The following FBXO25 variants were observed in gnomAD, a reference collection of about 807,000 sequenced individuals.
FBXO25 encodes F-box only protein 25.
Under a neutral mutation model 51.9 loss-of-function variants are expected in FBXO25, and 45 were observed. That is an observed-to-expected ratio of 0.87 (90% CI 0.68 to 1.11). FBXO25 has a LOEUF of 1.11. FBXO25 is among the 50% of genes most tolerant of loss of function. The pLI is 0.00. For synonymous variants in FBXO25, 199 were observed against 151.0 expected, an observed-to-expected ratio of 1.32 and a Z score of -2.33; for missense variants, 507 against 428.5, an observed-to-expected ratio of 1.18 and a Z score of -1.62.
intron 7 of FBXO25, among the ~76,000 whole-genome samples, chr8:451,912 G>C (rs556430488): frequency 1.3e-5 from 2 of 152,126 alleles, no homozygotes; most frequent in African/African-American, 4.8e-5. Context: ...TGCAAATCAT[G>C]TCAGTTTTTT....
intron 1 of FBXO25, 182 bp downstream of exon 1, chr8:407,248 CG>C (rs1710075090): frequency 4.6e-6 from 3 of 649,424 alleles, no homozygotes; most frequent in South Asian, 6.8e-5. Context: ...CAGGTGGGGA[CG>C]GGGCCTGTGG....
At chr8:456,044 A>C (rs1468789183) in intron 7 of FBXO25, among the ~76,000 whole-genome samples, 1 of 152,166 alleles carries the variant, frequency 6.6e-6, no homozygotes, top group Non-Finnish European at 1.5e-5. Flanking sequence ...ACTTCATGCT[A>C]CCTTTAAAGT....
chr8:456,592 C>G (rs1019821204), intron 7 of FBXO25, among the ~76,000 whole-genome samples: 1 of 152,122 alleles, frequency 6.6e-6, no homozygotes, highest in Non-Finnish European at 1.5e-5. Flanking sequence ...GTCCCATCAG[C>G]TGTAGGAGCA....
intron 1 of FBXO25, among the ~76,000 whole-genome samples, chr8:409,389 A>G (rs1796358984): frequency 6.6e-6 from 1 of 152,214 alleles, no homozygotes; most frequent in Non-Finnish European, 1.5e-5. Flanking sequence ...CCATGGCTGC[A>G]TTTCACTCCT....
intron 5 of FBXO25, among the ~76,000 whole-genome samples, chr8:447,939 G>T (rs1021690903): frequency 6.6e-6 from 1 of 152,162 alleles, no homozygotes; most frequent in Non-Finnish European, 1.5e-5. Context: ...GATGGCAGCA[G>T]CCGGGAGAAC....
chr8:432,423 G>C (rs1797870309), intron 3 of FBXO25, among the ~76,000 whole-genome samples: 1 of 151,044 alleles, frequency 6.6e-6, no homozygotes, highest in Non-Finnish European at 1.5e-5. Flanking sequence ...TGTAGAAGGT[G>C]AAACTGTGAA....
At chr8:410,481 G>A (rs1432361399) in intron 1 of FBXO25, among the ~76,000 whole-genome samples, 2 of 151,872 alleles carry the variant, frequency 1.3e-5, no homozygotes, top group East Asian at 1.9e-4. Context: ...TTGATATTGA[G>A]AGATAATTTG....
At chr8:452,725 G>T (rs964117031) in intron 7 of FBXO25, among the ~76,000 whole-genome samples, 2 of 152,232 alleles carry the variant, frequency 1.3e-5, no homozygotes, top group African/African-American at 4.8e-5. Context: ...AGGATTAGTG[G>T]CTCTGCATTC....
chr8:437,679 C>T lies in FBXO25; in HGVS notation c.381+1972C>T, dbSNP rs541922172. 8.5e-5 allele frequency among the ~76,000 whole-genome samples: 13 copies of T among 152,094 alleles called. No homozygotes were observed. The East Asian group carries it at 1.9e-3, about 23-fold the overall frequency. ...GCTCCTCCATGTCCCCATCCCAATT[C>T]TTAACCTCCCTGGCCCATGCCCAGT... On this transcript the variant is annotated intron_variant, in intron 5 of 9. Coordinates refer to ENST00000350302, the MANE Select transcript of FBXO25 (RefSeq NM_183420.2).
chr8:409,542 C>T (rs1796369319), intron 1 of FBXO25, among the ~76,000 whole-genome samples: 1 of 152,112 alleles, frequency 6.6e-6, no homozygotes, highest in Non-Finnish European at 1.5e-5. Flanking sequence ...AGTAGGCAGG[C>T]TCTTTATGTA....
At chr8:447,488 C>G (rs1171334704) in intron 5 of FBXO25, among the ~76,000 whole-genome samples, 1 of 152,126 alleles carries the variant, frequency 6.6e-6, no homozygotes, top group Admixed American at 6.5e-5. Context: ...AAACAGGAAA[C>G]TCATGAAGGA....
chr8:415,938 C>T (rs1431176402), intron 2 of FBXO25, among the ~76,000 whole-genome samples: 5 of 152,066 alleles, frequency 3.3e-5, no homozygotes, highest in Non-Finnish European at 7.3e-5. Flanking sequence ...TAACTATAGG[C>T]GCTGTTGAGG....
chr8:452,829 G>C (rs772861453), intron 7 of FBXO25, among the ~76,000 whole-genome samples: 13 of 152,250 alleles, frequency 8.5e-5, no homozygotes, highest in Non-Finnish European at 1.6e-4. Context: ...CAAGAGGAGA[G>C]AAAGGAGAAA....
chr8:435,861 G>T (rs1037122810), intron 5 of FBXO25, among the ~76,000 whole-genome samples, 154 bp downstream of exon 5: 1 of 152,232 alleles, frequency 6.6e-6, no homozygotes. Context: ...ACAAGTTCAG[G>T]AGAAAACAGT....
chr8:411,376 C>A (rs1430709647), intron 1 of FBXO25, among the ~76,000 whole-genome samples: 2 of 152,058 alleles, frequency 1.3e-5, no homozygotes, highest in Admixed American at 1.3e-4. Flanking sequence ...TTCAGTTTTT[C>A]TTCTTGGCTT....
At chr8:433,232 G>C (rs1797919370) in intron 4 of FBXO25, among the ~76,000 whole-genome samples, 1 of 152,130 alleles carries the variant, frequency 6.6e-6, no homozygotes, top group Non-Finnish European at 1.5e-5. Flanking sequence ...GATTGTGCAT[G>C]TATTTGTGCA....
chr8:458,310 A>G, intron 7 of FBXO25, 59 bp from the exon 8 acceptor site: 1 of 1,553,638 alleles, frequency 6.4e-7, no homozygotes, highest in Non-Finnish European at 8.8e-7. Context: ...CTCTTCAGTT[A>G]CTGTGTGAAC....
At chr8:435,019 C>T (rs1175232071) in intron 4 of FBXO25, among the ~76,000 whole-genome samples, 1 of 152,168 alleles carries the variant, frequency 6.6e-6, no homozygotes, top group Non-Finnish European at 1.5e-5. Context: ...CTCTCCATCC[C>T]AATGCTGGTT....
At chr8:420,747 C>A (rs116995972) in intron 2 of FBXO25, among the ~76,000 whole-genome samples, 9,607 of 152,222 alleles carry the variant, frequency 0.063, 324 homozygotes, top group Middle Eastern at 0.085. Context: ...ATAAGGAAGA[C>A]GAACAAATCA....
Sources: allele counts gnomAD v4.1 joint callset (sites outside exome capture counted in the v4.1 genomes callset), GRCh38; gene constraint gnomAD v4.1.1; transcripts MANE v1.5; gene names NCBI Gene and HGNC (gene_info 2026-07-23, HGNC 2026-07-21).